The following HPSE2 variants were observed in gnomAD, a reference collection of about 807,000 sequenced individuals.
The protein encoded by HPSE2 is inactive heparanase-2.
HPSE2 carries 38 observed loss-of-function variants against 60.5 expected under a neutral mutation model. That is an observed-to-expected ratio of 0.63 (90% CI 0.48 to 0.82). The LOEUF (loss-of-function observed/expected upper bound fraction) is 0.82, where lower values mean the gene tolerates loss of function less well. Among genes scored for constraint, HPSE2 ranks in the 40% least tolerant of loss-of-function variants. The probability of loss-of-function intolerance (pLI) is 0.00; values close to 1 mark genes in which losing one functional copy is unlikely to be tolerated. For missense variants in HPSE2, 713 were observed against 740.4 expected (o/e 0.96, Z 0.43); for synonymous variants, 295 against 293.2 (o/e 1.01, Z -0.06).
At chr10:99,077,440 T>G (rs1842983978) in intron 3 of HPSE2, among the ~76,000 whole-genome samples, 1 of 152,144 alleles carries the variant, frequency 6.6e-6, no homozygotes, top group Non-Finnish European at 1.5e-5. Context: ...GACTGAATAA[T>G]TTCTGGTAAT....
intron 4 of HPSE2, among the ~76,000 whole-genome samples, chr10:98,722,862 T>C (rs1007881751): frequency 3.3e-5 from 5 of 152,186 alleles, no homozygotes; most frequent in African/African-American, 1.2e-4. Context: ...TAGGAGATTT[T>C]GGGCTGAGAC....
rs1162292360 is a variant in HPSE2, at chr10:99,132,241, G to GAGAAAGAA, written c.610+11989_610+11996dup. On this transcript the variant is annotated intron_variant, in intron 3 of 11. Transcript: ENST00000370552. ...AGAGAGAGAGAGAGAGAGAGAGAGAGAGAAAGAAAGAAAGAAAGAAAGAAA... is the reference window on the plus strand; with the variant it reads ...AGAGAGAGAGAGAGAGAGAGAGAGAGAGAAAGAAAGAAAGAAAGAAAGAAAGAAAGAAA... Among the ~76,000 whole-genome samples, 86 of 28,944 alleles carry GAGAAAGAA rather than the reference G, an allele frequency of 3.0e-3. 4 individuals are homozygous for GAGAAAGAA. Among genetic ancestry groups the GAGAAAGAA allele is most frequent in the African/African-American group, 5.3e-3 (49 of 9,316 alleles). The allele number at this position is 28,944 out of a possible 152,430, so 19.0% of individuals were successfully genotyped here.
chr10:98,858,540 A>C (rs541821584), intron 3 of HPSE2, among the ~76,000 whole-genome samples: 68 of 152,286 alleles, frequency 4.5e-4, no homozygotes, highest in South Asian at 3.1e-3. Context: ...AGATTTGGAG[A>C]AGGAACAGTG....
At chr10:99,015,075 C>G (rs998518380) in intron 3 of HPSE2, among the ~76,000 whole-genome samples, 8 of 152,148 alleles carry the variant, frequency 5.3e-5, no homozygotes, top group Non-Finnish European at 2.9e-5. Flanking sequence ...AAAGGCTCAT[C>G]ATCACTGGCC....
chr10:98,641,761 T>C, intron 7 of HPSE2, 86 bp downstream of exon 7: 1 of 996,612 alleles, frequency 1.0e-6, no homozygotes, highest in Non-Finnish European at 1.6e-6. Flanking sequence ...GTTCCCACAG[T>C]GCTGATGCCC....
chr10:98,965,545 A>G (rs925043024), intron 3 of HPSE2, among the ~76,000 whole-genome samples: 7 of 152,084 alleles, frequency 4.6e-5, no homozygotes, highest in Non-Finnish European at 1.0e-4. Flanking sequence ...CTCTTCTCTA[A>G]TCAGTCTTTC....
chr10:99,312,198 A>G, the HPSE2 span, among the ~76,000 whole-genome samples: 1 of 152,244 alleles, frequency 6.6e-6, no homozygotes, highest in Non-Finnish European at 1.5e-5. Flanking sequence ...CCAGAAGATC[A>G]AGCTAAAATA....
intron 3 of HPSE2, among the ~76,000 whole-genome samples, chr10:98,990,695 G>A (rs1254797564): frequency 1.3e-5 from 2 of 152,106 alleles, no homozygotes; most frequent in East Asian, 3.9e-4. Context: ...AAAATTAATT[G>A]AAATCTGTTC....
At chr10:99,006,629 G>A (rs950091243) in intron 3 of HPSE2, among the ~76,000 whole-genome samples, 1 of 152,132 alleles carries the variant, frequency 6.6e-6, no homozygotes, top group African/African-American at 2.4e-5. Context: ...CCAGCTTGGT[G>A]GTTTGGTCTA....
the HPSE2 span, among the ~76,000 whole-genome samples, chr10:99,266,086 T>C: frequency 1.3e-5 from 2 of 152,160 alleles, no homozygotes; most frequent in African/African-American, 4.8e-5. Context: ...AAACTTGCAG[T>C]TGAACTTTGT....
intron 6 of HPSE2, among the ~76,000 whole-genome samples, chr10:98,684,006 T>C (rs1340950075): frequency 1.3e-5 from 2 of 152,048 alleles, no homozygotes; most frequent in South Asian, 2.1e-4. Flanking sequence ...AACAAAAGGA[T>C]CAAAATCTGA....
chr10:98,852,767 G>GT (rs1952212995), intron 3 of HPSE2, among the ~76,000 whole-genome samples: 1 of 152,094 alleles, frequency 6.6e-6, no homozygotes, highest in Admixed American at 6.6e-5. Context: ...AAACTAGTTT[G>GT]TTTTTTTCTA....
At chr10:99,221,564 A>G (rs1348398456) in intron 2 of HPSE2, among the ~76,000 whole-genome samples, 2 of 152,218 alleles carry the variant, frequency 1.3e-5, no homozygotes, top group East Asian at 3.9e-4. Flanking sequence ...GTGTTTCATA[A>G]ATGAATTAAT....
intron 2 of HPSE2, among the ~76,000 whole-genome samples, chr10:99,193,097 T>C (rs1310838737): frequency 1.3e-5 from 2 of 152,060 alleles, no homozygotes; most frequent in Non-Finnish European, 2.9e-5. Context: ...TTTCAAGACA[T>C]AGACAGTACA....
At chr10:98,525,464 G>T (rs1480858036) in intron 9 of HPSE2, among the ~76,000 whole-genome samples, 1 of 152,258 alleles carries the variant, frequency 6.6e-6, no homozygotes, top group Non-Finnish European at 1.5e-5. Flanking sequence ...AAACAGAAGA[G>T]ACACTTACGG....
At chr10:98,724,746 T>C (rs1056507018) in intron 4 of HPSE2, among the ~76,000 whole-genome samples, 8 of 152,166 alleles carry the variant, frequency 5.3e-5, no homozygotes, top group African/African-American at 1.7e-4. Flanking sequence ...CTTTTGATCT[T>C]TGTTGATTTA....
chr10:99,156,434 G>C (rs1174787217), intron 2 of HPSE2, among the ~76,000 whole-genome samples: 3 of 137,372 alleles, frequency 2.2e-5, no homozygotes, highest in African/African-American at 7.6e-5. Context: ...TGGGATGCAA[G>C]GCTGGTTCAA....
chr10:99,275,986 G>GAA, the HPSE2 span, among the ~76,000 whole-genome samples: 1 of 151,840 alleles, frequency 6.6e-6, no homozygotes, highest in Non-Finnish European at 1.5e-5. Context: ...ACATAGATAA[G>GAA]AAAAAAACAG....
intron 3 of HPSE2, among the ~76,000 whole-genome samples, chr10:99,037,229 AACTAAATTTAATGTGGTATCCTGTATT>A (rs1957629849): frequency 1.3e-5 from 2 of 152,288 alleles, no homozygotes; most frequent in South Asian, 4.1e-4. Context: ...GAAATATGAC[AACTAAATTTAATGTGGTATCCTGTATT>A]AGATCCTGGG....
Sources: gnomAD v4.1 joint callset for allele counts (sites outside exome capture counted in the v4.1 genomes callset) on GRCh38, gnomAD v4.1.1 for gene constraint, MANE v1.5 for transcripts, NCBI Gene and HGNC (gene_info 2026-07-23, HGNC 2026-07-21) for gene names.